The following FOCAD variants were observed in gnomAD, a reference collection of about 807,000 sequenced individuals.
The protein encoded by FOCAD is focadhesin.
In FOCAD, 198 loss-of-function variants were observed where a neutral mutation model predicts 225.6. That is an observed-to-expected ratio of 0.88 (90% CI 0.78 to 0.99). FOCAD has a LOEUF of 0.99. Among genes scored for constraint, FOCAD ranks in the 50% least tolerant of loss-of-function variants. The pLI is 0.00. For synonymous variants in FOCAD, 897 were observed against 755.0 expected (o/e 1.19, Z -3.08); for missense variants, 2,713 against 2,123.6 (o/e 1.28, Z -5.46).
intron 6 of FOCAD, among the ~76,000 whole-genome samples, chr9:20,764,531 A>T (rs554132654): frequency 8.5e-5 from 13 of 152,204 alleles, no homozygotes; most frequent in African/African-American, 3.1e-4. Context: ...GGATTTTTAT[A>T]GGCGTGAGCC....
chr9:20,757,046 C>T (rs1215035195), intron 5 of FOCAD, among the ~76,000 whole-genome samples: 1 of 152,178 alleles, frequency 6.6e-6, no homozygotes, highest in African/African-American at 2.4e-5. Flanking sequence ...TCACCTTCCT[C>T]AGCCTCCTGA....
At chr9:20,963,338 C>T (rs1471788397) in intron 35 of FOCAD, among the ~76,000 whole-genome samples, 1 of 152,112 alleles carries the variant, frequency 6.6e-6, no homozygotes, top group Non-Finnish European at 1.5e-5. Flanking sequence ...TGAAAGTTGT[C>T]CTGTCAAAGG....
At position 20,981,581 on chromosome 9, in the gene FOCAD, C is replaced by A. The variant is rs141735598; in HGVS notation, c.4533C>A (p.His1511Gln). Residue 1511 changes from histidine (H) to glutamine (Q), a missense_variant, in exon 38 of 44, where the codon CAC becomes CAA. By Grantham distance (24) the His-to-Gln change is conservative (BLOSUM62 0). Coordinates refer to ENST00000338382, the MANE Select transcript of FOCAD (RefSeq NM_001375567.1). ...GSPELCPSAL[H>Q]GLSQAMKLPS... ...CTGAGCTATGCCCAAGTGCTTTACA[C>A]GGTCTGAGCCAGGCCATGAAACTGC... 4 of 1,614,024 alleles carry A rather than the reference C, an allele frequency of 2.5e-6. No individual in the cohort carries two copies. The highest frequency in any genetic ancestry group is 3.4e-6 in the Non-Finnish European group (4 of 1,179,970).
chr9:20,801,207 T>G (rs1274353818), intron 11 of FOCAD, among the ~76,000 whole-genome samples: 1 of 152,108 alleles, frequency 6.6e-6, no homozygotes, highest in East Asian at 1.9e-4. Context: ...TTTAATATAT[T>G]CATCTAAGCT....
At chr9:20,987,554 C>G (rs1424876876) in intron 40 of FOCAD, among the ~76,000 whole-genome samples, 2 of 151,808 alleles carry the variant, frequency 1.3e-5, no homozygotes, top group Non-Finnish European at 2.9e-5. Flanking sequence ...CTGTGGCAGT[C>G]TGAAACAGTT....
At chr9:20,796,641 T>C (rs1013711912) in intron 11 of FOCAD, among the ~76,000 whole-genome samples, 3 of 152,188 alleles carry the variant, frequency 2.0e-5, no homozygotes, top group Admixed American at 6.5e-5. Context: ...TCATATCCTT[T>C]GCCCACTTTT....
intron 24 of FOCAD, among the ~76,000 whole-genome samples, chr9:20,917,664 A>T (rs758098083): frequency 1.3e-5 from 2 of 152,052 alleles, no homozygotes; most frequent in African/African-American, 2.4e-5. Context: ...TCCAACCAAC[A>T]CAGATATACC....
In FOCAD at chr9:20,939,105, G is replaced by C. The variant is rs888068253; in HGVS notation, c.3408-5522G>C. On this transcript the variant is annotated intron_variant, in intron 28 of 43. Transcript: ENST00000338382. ...GCGGAGCTTGCAGTGAGCCGAGATC[G>C]TGCCACTGCACTCCAGCCTGGGCGA... 2.3e-5 allele frequency among the ~76,000 whole-genome samples: 3 copies of C among 128,248 alleles called. No individual in the cohort carries two copies. The East Asian group carries it at 7.3e-4, about 31-fold the overall frequency. The allele number at this position is 128,248 out of a possible 152,430, so 84.1% of individuals were successfully genotyped here.
chr9:20,665,401 T>G (rs1481880861), intron 2 of FOCAD, among the ~76,000 whole-genome samples: 41 of 152,162 alleles, frequency 2.7e-4, no homozygotes, highest in Admixed American at 2.7e-3. Context: ...CTTTTGTAAC[T>G]AATGAATGAC....
rs1011757846 is a variant in FOCAD, at chr9:20,719,528, G to A, written c.133-852G>A. On this transcript the variant is annotated intron_variant, in intron 3 of 43. Transcript: ENST00000338382. ...TCTTTTTTTTTTATAATACAACTGT[G>A]TGTAAGTCTAAATGGACTTTATCTG... is the stretch of plus-strand genomic sequence containing the variant. 3.3e-5 allele frequency among the ~76,000 whole-genome samples: 5 copies of A among 152,016 alleles called. No individual in the cohort carries two copies. In the East Asian group the frequency reaches 9.7e-4, roughly 29 times the overall value.
At chr9:20,723,641 A>T (rs763978297) in intron 4 of FOCAD, among the ~76,000 whole-genome samples, 4 of 152,228 alleles carry the variant, frequency 2.6e-5, no homozygotes, top group Non-Finnish European at 4.4e-5. Flanking sequence ...TCTATGTAAT[A>T]TATAATAGAA....
chr9:20,858,381 T>C (rs2131668039), intron 15 of FOCAD, among the ~76,000 whole-genome samples: 1 of 152,286 alleles, frequency 6.6e-6, no homozygotes, highest in Admixed American at 6.5e-5. Flanking sequence ...TTGTCGATAG[T>C]TGCTCATAAT....
At chr9:20,663,742 A>G (rs1267682256) in intron 2 of FOCAD, among the ~76,000 whole-genome samples, 1 of 152,162 alleles carries the variant, frequency 6.6e-6, no homozygotes, top group Non-Finnish European at 1.5e-5. Flanking sequence ...GTATCACAGT[A>G]TTTTCTGAAA....
At chr9:20,912,976 C>T (rs747636679) in intron 23 of FOCAD, 22 bp downstream of exon 23, 7 of 1,590,824 alleles carry the variant, frequency 4.4e-6, no homozygotes, top group Non-Finnish European at 6.0e-6. Context: ...TGTTCAGCTG[C>T]CCATTATTTG....
At chr9:20,824,732 A>G (rs1230029860) in intron 15 of FOCAD, among the ~76,000 whole-genome samples, 1 of 152,126 alleles carries the variant, frequency 6.6e-6, no homozygotes, top group East Asian at 1.9e-4. Context: ...ATTATACACA[A>G]AAAAGACCTA....
intron 10 of FOCAD, among the ~76,000 whole-genome samples, chr9:20,785,940 G>A (rs1819880471): frequency 6.6e-6 from 1 of 152,084 alleles, no homozygotes. Context: ...CTTTTTGATG[G>A]TTACATCCTA....
chr9:20,801,923 A>C (rs1821885391), intron 11 of FOCAD, among the ~76,000 whole-genome samples: 1 of 152,176 alleles, frequency 6.6e-6, no homozygotes, highest in Non-Finnish European at 1.5e-5. Context: ...TGTCGAGTGC[A>C]GTCCCTTTGT....
At chr9:20,958,705 G>T (rs1367824770) in intron 35 of FOCAD, among the ~76,000 whole-genome samples, 2 of 151,896 alleles carry the variant, frequency 1.3e-5, no homozygotes, top group South Asian at 2.1e-4. Context: ...CTCTTTCCTA[G>T]CCTCTAAGTA....
At chr9:20,872,076 A>T (rs1016771114) in intron 18 of FOCAD, among the ~76,000 whole-genome samples, 10 of 152,086 alleles carry the variant, frequency 6.6e-5, no homozygotes, top group Admixed American at 6.6e-4. Context: ...ATAAATACAT[A>T]TAGTATATAA....
Sources: gnomAD v4.1 joint callset for allele counts (sites outside exome capture counted in the v4.1 genomes callset) on GRCh38, gnomAD v4.1.1 for gene constraint, MANE v1.5 for transcripts, NCBI Gene and HGNC (gene_info 2026-07-23, HGNC 2026-07-21) for gene names.